The following RGS12 variants were observed in gnomAD, a reference collection of about 807,000 sequenced individuals.
RGS12 encodes regulator of G-protein signaling 12.
A neutral mutation model predicts 120.1 loss-of-function variants in RGS12; 66 were observed. The observed-to-expected ratio is 0.55, with a 90% CI of 0.45 to 0.67. The LOEUF (loss-of-function observed/expected upper bound fraction) is 0.67, where lower values mean the gene tolerates loss of function less well. Among genes scored for constraint, RGS12 ranks in the 30% least tolerant of loss-of-function variants. RGS12 has a pLI of 0.00. For synonymous variants in RGS12, 827 were observed against 804.7 expected (o/e 1.03, Z -0.47); for missense variants, 1,859 against 1,957.7 (o/e 0.95, Z 0.95).
At chr4:3,333,459 A>G (rs937823077) in intron 2 of RGS12, among the ~76,000 whole-genome samples, 1 of 152,208 alleles carries the variant, frequency 6.6e-6, no homozygotes, top group African/African-American at 2.4e-5. Context: ...TAATACATTT[A>G]TTACTACTTG....
At chr4:3,414,898 C>A in intron 6 of RGS12, 54 bp downstream of exon 6, 1 of 1,326,726 alleles carries the variant, frequency 7.5e-7, no homozygotes, top group East Asian at 2.3e-5. Context: ...GTGAGAGAGA[C>A]GCATGTGAGG....
intron 2 of RGS12, chr4:3,324,422 T>C (rs16844176): frequency 0.027 from 6,409 of 241,528 alleles, 304 homozygotes; most frequent in African/African-American, 0.12. Flanking sequence ...TGTCTTTTAG[T>C]CCAGGCCAAC....
intron 3 of RGS12, among the ~76,000 whole-genome samples, chr4:3,362,312 A>G (rs1715648816): frequency 2.0e-5 from 3 of 152,132 alleles, no homozygotes; most frequent in South Asian, 2.1e-4. Context: ...TGTCCTGACC[A>G]GTGTGTCGCC....
At chr4:3,404,416 C>A (rs770493305) in intron 4 of RGS12, among the ~76,000 whole-genome samples, 1 of 152,212 alleles carries the variant, frequency 6.6e-6, no homozygotes, top group South Asian at 2.1e-4. Flanking sequence ...CAAGTGCAGG[C>A]TTTAAACAGT....
chr4:3,407,374 C>G (rs959477135), intron 4 of RGS12: 2 of 152,272 alleles, frequency 1.3e-5, no homozygotes, highest in Admixed American at 6.5e-5. Flanking sequence ...GTGCTGGGAT[C>G]GCGGGAGAAA....
At chr4:3,294,152 G>A (rs910990785) in intron 1 of RGS12, among the ~76,000 whole-genome samples, 1 of 152,278 alleles carries the variant, frequency 6.6e-6, no homozygotes, top group Non-Finnish European at 1.5e-5. Flanking sequence ...AGGGCTAAGA[G>A]TGTCTTTGTC....
Position 3,316,285 on chromosome 4 carries a change from C to G in RGS12, c.115C>G (p.Gln39Glu). The change falls in exon 2 of 18, where the codon CAG becomes GAG. Residue 39 changes from glutamine (Q) to glutamate (E), a missense_variant. By Grantham distance (29) the Gln-to-Glu change is conservative. Around this residue, in one of 3 missense-constraint regions of RGS12, gnomAD observed 967 missense variants for 994.2 expected, o/e 0.97. Transcript: ENST00000336727. ...CGGCTACGGATTCACGCTTTCGGGA[C>G]AGGCACCCTGTGTGCTCAGCTGCGT... Reference protein sequence around the residue: ...RAGYGFTLSGQAPCVLSCVMR... With the variant: ...RAGYGFTLSGEAPCVLSCVMR... 6.2e-7 allele frequency: 1 copy of G among 1,614,034 alleles called. No individual in the cohort carries two copies. Among genetic ancestry groups the G allele is most frequent in the Non-Finnish European group, 8.5e-7 (1 of 1,179,954 alleles).
At chr4:3,428,029 T>A in intron 14 of RGS12, 61 bp from the exon 15 acceptor site, 1 of 1,481,678 alleles carries the variant, frequency 6.7e-7, no homozygotes, top group East Asian at 2.3e-5. Flanking sequence ...GAGCAGGTTG[T>A]CTATGAAACA....
chr4:3,399,160 G>A (rs1311258121), intron 4 of RGS12, among the ~76,000 whole-genome samples: 1 of 152,002 alleles, frequency 6.6e-6, no homozygotes, highest in Non-Finnish European at 1.5e-5. Context: ...AAAAATTGTA[G>A]CATTAAATGT....
At chr4:3,341,893 C>G (rs1435432128) in intron 2 of RGS12, among the ~76,000 whole-genome samples, 1 of 148,742 alleles carries the variant, frequency 6.7e-6, no homozygotes, top group Non-Finnish European at 1.5e-5. Flanking sequence ...TGGGGCTGGG[C>G]CGTGACAATG....
chr4:3,414,865 T>C (rs1722167034), intron 6 of RGS12, 21 bp downstream of exon 6: 2 of 1,568,714 alleles, frequency 1.3e-6, no homozygotes, highest in African/African-American at 1.4e-5. Flanking sequence ...GCTTGGGAAG[T>C]GGGGGCTGTG....
intron 4 of RGS12, among the ~76,000 whole-genome samples, chr4:3,387,517 C>T (rs73795536): frequency 0.07 from 10,623 of 152,256 alleles, 1,202 homozygotes; most frequent in African/African-American, 0.24. Flanking sequence ...GGGTTACACA[C>T]GCACTGGCAC....
At position 3,371,797 on chromosome 4, in the gene RGS12, G is replaced by T. The variant is rs1717024615; in HGVS notation, c.1999-14619G>T. 2.0e-5 allele frequency among the ~76,000 whole-genome samples: 3 copies of T among 152,200 alleles called. No homozygotes were observed. In the South Asian group the frequency reaches 6.2e-4, roughly 32 times the overall value. On this transcript the variant is annotated intron_variant, in intron 3 of 17. Coordinates refer to ENST00000336727, the MANE Select transcript of RGS12 (RefSeq NM_001394154.1). ...TTCAGGTAGTTGTTCTAAAAAATGG[G>T]AGGGTCAGGGAATGCTGGGGTGCCG...
At chr4:3,397,564 C>T (rs1160972241) in intron 4 of RGS12, among the ~76,000 whole-genome samples, 1 of 152,182 alleles carries the variant, frequency 6.6e-6, no homozygotes, top group Admixed American at 6.5e-5. Context: ...GGTTTTGCCT[C>T]AGGCAGCTCG....
chr4:3,412,382 A>T (rs959065313), intron 4 of RGS12, among the ~76,000 whole-genome samples: 1 of 152,176 alleles, frequency 6.6e-6, no homozygotes, highest in African/African-American at 2.4e-5. Context: ...GGCTGAATCC[A>T]TAAGGTTTAG....
At chr4:3,418,430 G>A (rs1401677216) in intron 9 of RGS12, 1 of 152,294 alleles carries the variant, frequency 6.6e-6, no homozygotes, top group Non-Finnish European at 1.5e-5. Context: ...CTGAAGGCAG[G>A]GGACTGGCAC....
At chr4:3,352,824 C>A (rs574236904) in intron 3 of RGS12, among the ~76,000 whole-genome samples, 6 of 152,296 alleles carry the variant, frequency 3.9e-5, no homozygotes, top group African/African-American at 9.6e-5. Context: ...GCCTTCCCAA[C>A]CTTCCCTAGC....
chr4:3,309,414 G>A lies in RGS12; in HGVS notation c.-101-6656G>A, dbSNP rs1189466137. 4.4e-5 allele frequency among the ~76,000 whole-genome samples: 6 copies of A among 136,432 alleles called. No individual in the cohort carries two copies. The South Asian group carries it at 7.7e-4, about 18-fold the overall frequency. 89.5% of individuals were successfully genotyped at this position (136,432 alleles called of 152,430 possible). On this transcript the variant is annotated intron_variant, in intron 1 of 17. Transcript: ENST00000336727. ...TGGGACCCTGGAATGGCAGGTGTCC[G>A]CTGAGGGGAACCGTGCAGGGGAGGA...
Position 3,368,451 on chromosome 4 carries a change from T to TGTGTGTGTG in RGS12, c.1999-17964_1999-17963insTGTGTGTGG, listed in dbSNP as rs781181622. 1.8e-5 allele frequency among the ~76,000 whole-genome samples: 2 copies of TGTGTGTGTG among 109,074 alleles called. 1 individual carries two copies. Among genetic ancestry groups the TGTGTGTGTG allele is most frequent in the South Asian group, 6.8e-4 (2 of 2,922 alleles). The allele number at this position is 109,074 out of a possible 152,430, so 71.6% of individuals were successfully genotyped here. ...GTGTGTGTGGGTGCCTGTGTGTGTG[T>TGTGTGTGTG]GGGGTGCCTTTGTGTGTGGGGGTGC... On this transcript the variant is annotated intron_variant, in intron 3 of 17. Coordinates refer to ENST00000336727, the MANE Select transcript of RGS12 (RefSeq NM_001394154.1).
Sources: gnomAD v4.1 joint callset for allele counts (sites outside exome capture counted in the v4.1 genomes callset) on GRCh38, gnomAD v4.1.1 for gene constraint, gnomAD v4.1.1 regional missense constraint, MANE v1.5 for transcripts, NCBI Gene and HGNC (gene_info 2026-07-23, HGNC 2026-07-21) for gene names.